CCDC7: variants seen among roughly 807,000 people sequenced by gnomAD.
CCDC7 encodes the protein coiled-coil domain containing 7, also known as coiled-coil domain-containing protein 7.
Under a neutral mutation model 196.9 loss-of-function variants are expected in CCDC7, and 183 were observed. The ratio of observed to expected loss-of-function variants is 0.93; its 90% CI spans 0.82 to 1.05. The LOEUF is 1.05. Among genes scored for constraint, CCDC7 ranks in the 50% least tolerant of loss-of-function variants. The pLI is 0.00. For synonymous variants in CCDC7, 525 were observed against 484.6 expected (o/e 1.08, Z -1.10); for missense variants, 1,540 against 1,482.2 (o/e 1.04, Z -0.64).
intron 20 of CCDC7, among the ~76,000 whole-genome samples, chr10:32,644,616 G>A (rs749733783): frequency 2.6e-5 from 4 of 152,150 alleles, no homozygotes; most frequent in Non-Finnish European, 4.4e-5. Flanking sequence ...TCCACATGTT[G>A]TGGGAGGGAC....
chr10:32,681,879 G>T (rs1213718714), intron 21 of CCDC7, among the ~76,000 whole-genome samples: 10 of 151,558 alleles, frequency 6.6e-5, no homozygotes, highest in Non-Finnish European at 1.2e-4. Context: ...AAATCTCTTG[G>T]ACACCTTAAA....
intron 13 of CCDC7, among the ~76,000 whole-genome samples, chr10:32,561,649 C>T (rs1327032691): frequency 2.0e-5 from 3 of 152,170 alleles, no homozygotes; most frequent in Non-Finnish European, 2.9e-5. Context: ...ACATTCAACG[C>T]AGTGTGTAGA....
chr10:32,532,506 G>GC (rs1221018759), intron 11 of CCDC7, among the ~76,000 whole-genome samples: 1 of 152,142 alleles, frequency 6.6e-6, no homozygotes, highest in Non-Finnish European at 1.5e-5. Context: ...TGTGTATTCT[G>GC]CGGCAGTTGG....
At chr10:32,718,638 C>T (rs1315544255) in intron 25 of CCDC7, among the ~76,000 whole-genome samples, 5 of 152,140 alleles carry the variant, frequency 3.3e-5, no homozygotes, top group Non-Finnish European at 7.3e-5. Flanking sequence ...TGTCTCAGCC[C>T]AAAATCTCCT....
intron 20 of CCDC7, among the ~76,000 whole-genome samples, chr10:32,655,947 C>T (rs559095356): frequency 6.6e-6 from 1 of 152,134 alleles, no homozygotes; most frequent in Non-Finnish European, 1.5e-5. Flanking sequence ...CGTATTTTGA[C>T]TATTAACTCC....
chr10:32,691,077 T>C, intron 23 of CCDC7, among the ~76,000 whole-genome samples: 1 of 152,200 alleles, frequency 6.6e-6, no homozygotes. Flanking sequence ...CTTTAAATTC[T>C]GACCTTACGA....
chr10:32,583,707 G>A (rs2058960912), intron 17 of CCDC7, among the ~76,000 whole-genome samples: 1 of 152,016 alleles, frequency 6.6e-6, no homozygotes, highest in Non-Finnish European at 1.5e-5. Context: ...ACAAGACCTA[G>A]AAAATTTTTA....
chr10:32,539,805 C>T (rs775452183), intron 11 of CCDC7, among the ~76,000 whole-genome samples: 13 of 152,098 alleles, frequency 8.5e-5, no homozygotes, highest in Middle Eastern at 3.4e-3. Flanking sequence ...GTTTAATTTC[C>T]GCATAATTGT....
At chr10:32,499,301 C>T (rs536691608) in intron 9 of CCDC7, 2 of 152,136 alleles carry the variant, frequency 1.3e-5, no homozygotes, top group East Asian at 3.9e-4. Context: ...AGAAGTTTTT[C>T]CCTGTCTCTG....
chr10:32,451,686 C>G, exon 1 of CCDC7: 1 of 1,611,648 alleles, frequency 6.2e-7, no homozygotes, highest in Non-Finnish European at 8.5e-7. Context: ...AACAAATCGG[C>G]AAATGTTCCA....
chr10:32,862,418 G>T (rs1192120584), intron 41 of CCDC7, among the ~76,000 whole-genome samples: 1 of 151,696 alleles, frequency 6.6e-6, no homozygotes, highest in African/African-American at 2.4e-5. Context: ...GCTTGTCGGG[G>T]GTTGGGGGGC....
At chr10:32,819,822 A>G (rs1384151312) in intron 31 of CCDC7, among the ~76,000 whole-genome samples, 4 of 152,228 alleles carry the variant, frequency 2.6e-5, no homozygotes, top group African/African-American at 9.6e-5. Flanking sequence ...ATCTCAAAAT[A>G]ATAAGAGCTA....
intron 5 of CCDC7, among the ~76,000 whole-genome samples, chr10:32,463,591 G>A (rs1231933888): frequency 1.3e-5 from 2 of 152,070 alleles, no homozygotes; most frequent in Non-Finnish European, 1.5e-5. Flanking sequence ...CAGTATATTA[G>A]AATGATTTCC....
chr10:32,840,030 T>G (rs1402761188), intron 33 of CCDC7, among the ~76,000 whole-genome samples: 1 of 151,920 alleles, frequency 6.6e-6, no homozygotes, highest in African/African-American at 2.4e-5. Context: ...GTTCATAGCA[T>G]TAAATGCCTA....
Position 32,607,913 on chromosome 10 carries a change from G to T in CCDC7, c.1801+23609G>T, listed in dbSNP as rs555218380. Among the ~76,000 whole-genome samples the T allele has an allele frequency of 5.5e-4, 84 of 152,206 alleles. No individual in the cohort carries two copies. In the Middle Eastern group the frequency reaches 0.014, roughly 25 times the overall value. On this transcript the variant is annotated intron_variant, in intron 18 of 41. Transcript: ENST00000639629. Reference sequence around the variant, plus strand: ...TTAGTTTCTCTTTATGAGTTTGGTAGAATACAGCAGTAGAGCCATCTGGTC... The same window carrying T: ...TTAGTTTCTCTTTATGAGTTTGGTATAATACAGCAGTAGAGCCATCTGGTC...
intron 28 of CCDC7, among the ~76,000 whole-genome samples, chr10:32,741,807 C>T (rs1456247503): frequency 1.3e-5 from 2 of 152,088 alleles, no homozygotes; most frequent in African/African-American, 4.8e-5. Flanking sequence ...TTCTCTATTA[C>T]TCTGTGTGAT....
chr10:32,805,237 G>T, intron 30 of CCDC7, 139 bp downstream of exon 31: 1 of 620,850 alleles, frequency 1.6e-6, no homozygotes, highest in Non-Finnish European at 2.9e-6. Flanking sequence ...CCCATATTTG[G>T]TTTTACTCTA....
intron 18 of CCDC7, among the ~76,000 whole-genome samples, chr10:32,616,270 T>C (rs1244723118): frequency 6.6e-6 from 1 of 152,050 alleles, no homozygotes; most frequent in Admixed American, 6.6e-5. Context: ...TTCAATAATA[T>C]TGTTTCCTTC....
At chr10:32,618,415 T>C (rs2063011736) in intron 18 of CCDC7, among the ~76,000 whole-genome samples, 1 of 152,086 alleles carries the variant, frequency 6.6e-6, no homozygotes. Context: ...TATTTCTGTA[T>C]GTTTTCATAA....
Sources: allele counts gnomAD v4.1 joint callset (sites outside exome capture counted in the v4.1 genomes callset), GRCh38; gene constraint gnomAD v4.1.1; transcripts MANE v1.5; gene names NCBI Gene and HGNC (gene_info 2026-07-23, HGNC 2026-07-21).